Variants in CYP4F3 observed in about 807,000 individuals in gnomAD.
The protein encoded by CYP4F3 is cytochrome P450 family 4 subfamily F member 3.
In CYP4F3, 50 loss-of-function variants were observed where a neutral mutation model predicts 54.8. The ratio of observed to expected loss-of-function variants is 0.91; its 90% CI spans 0.73 to 1.16. The LOEUF (loss-of-function observed/expected upper bound fraction) is 1.16, where lower values mean the gene tolerates loss of function less well. Among genes scored for constraint, CYP4F3 ranks in the 50% most tolerant of loss-of-function variants. The probability of loss-of-function intolerance (pLI) is 0.00; values close to 1 mark genes in which losing one functional copy is unlikely to be tolerated. For synonymous variants in CYP4F3, 244 were observed against 262.6 expected (o/e 0.93, Z 0.69); for missense variants, 715 against 676.2 (o/e 1.06, Z -0.64).
At chr19:15,657,143 C>T (rs935959804) in intron 9 of CYP4F3, among the ~76,000 whole-genome samples, 5 of 152,076 alleles carry the variant, frequency 3.3e-5, no homozygotes, top group Admixed American at 3.3e-4. Flanking sequence ...AAACATTTTC[C>T]CATTAATGTA....
intron 9 of CYP4F3, among the ~76,000 whole-genome samples, chr19:15,653,759 A>AGG (rs1568400667): frequency 1.6e-5 from 2 of 124,714 alleles, no homozygotes; most frequent in African/African-American, 5.6e-5. Context: ...AGAGAGAGAG[A>AGG]GAGAGAGAGA....
intron 4 of CYP4F3, 21 bp downstream of exon 4, chr19:15,647,126 A>G: frequency 6.2e-7 from 1 of 1,614,066 alleles, no homozygotes. Flanking sequence ...GTAGGTGAAC[A>G]GGGTTGGGAA....
At chr19:15,649,010 C>A in intron 5 of CYP4F3, 150 bp from the exon 6 acceptor site, 1 of 1,290,716 alleles carries the variant, frequency 7.7e-7, no homozygotes, top group Non-Finnish European at 1.0e-6. Context: ...ACAGCTTTTG[C>A]TTGCACCATA....
Position 15,660,114 on chromosome 19 carries a change from T to C in CYP4F3, c.*729T>C, listed in dbSNP as rs572152796. ...CATCTTTCCATGATATTAAATCATCTTAGGAAACATTATTTTGTGTTCTTC... is the reference window on the plus strand; with the variant it reads ...CATCTTTCCATGATATTAAATCATCCTAGGAAACATTATTTTGTGTTCTTC... On this transcript the variant is annotated 3_prime_UTR_variant, in exon 13 of 13. Transcript: ENST00000221307. 2.0e-4 allele frequency: 31 copies of C among 152,348 alleles called. No homozygotes were observed. The highest frequency in any genetic ancestry group is 7.0e-4 in the African/African-American group (29 of 41,578). The allele number at this position is 152,348 out of a possible 1,614,324, so 9.4% of individuals were successfully genotyped here.
rs773951526 is a variant in CYP4F3 at position 15,649,250 on chromosome 19, T to C, written c.616T>C (p.Cys206Arg). The C allele has an allele frequency of 6.2e-7, 1 of 1,613,214 alleles. No individual in the cohort carries two copies. The highest frequency in any genetic ancestry group is 1.7e-5 in the Admixed American group (1 of 59,964). Residue 206 changes from cysteine to arginine, a missense_variant, in exon 6 of 13, where the codon TGT (cysteine) becomes CGT (arginine). By Grantham distance (180) the Cys-to-Arg change is radical. Coordinates refer to ENST00000221307, the MANE Select transcript of CYP4F3 (RefSeq NM_000896.3). ...CATGACCTTGGACAGTCTGCAGAAA[T>C]GTGTCTTCAGCTTTGACAGCCATTG... Reference protein sequence around the residue: ...SLMTLDSLQKCVFSFDSHCQE... With the variant: ...SLMTLDSLQKRVFSFDSHCQE...
At chr19:15,647,022 A>G (rs1287133302) in intron 3 of CYP4F3, 30 bp from the exon 4 acceptor site, 5 of 1,612,938 alleles carry the variant, frequency 3.1e-6, no homozygotes, top group Admixed American at 3.3e-5. Context: ...ACCTGCCTCC[A>G]TGGCCCCTGA....
intron 3 of CYP4F3, 150 bp from the exon 4 acceptor site, chr19:15,646,902 T>C (rs1380677862): frequency 3.6e-6 from 4 of 1,102,672 alleles, no homozygotes; most frequent in South Asian, 1.5e-5. Context: ...CCCTCCCCCA[T>C]CCTGCCTTCT....
At position 15,646,106 on chromosome 19, in the gene CYP4F3, C is replaced by T. The variant is rs4646509; in HGVS notation, c.343+243C>T. Among the ~76,000 whole-genome samples, 61 of 152,304 alleles carry T rather than the reference C, an allele frequency of 4.0e-4. 1 individual carries two copies. In the South Asian group the frequency reaches 7.3e-3, roughly 18 times the overall value. On this transcript the variant is annotated intron_variant, in intron 3 of 12. Transcript: ENST00000221307. The stretch of plus-strand genomic sequence containing the variant: ...TATGGTCAAGTCTGCTGTACGGCTA[C>T]GTCTTGTCACCTGTATATTTACACC...
chr19:15,655,950 CA>C (rs1972999401), intron 9 of CYP4F3, among the ~76,000 whole-genome samples: 1 of 152,140 alleles, frequency 6.6e-6, no homozygotes, highest in Non-Finnish European at 1.5e-5. Flanking sequence ...ACTTTCTTAG[CA>C]ATTTCAACTA....
intron 7 of CYP4F3, among the ~76,000 whole-genome samples, chr19:15,650,805 CT>C (rs1396982186): frequency 0.023 from 169 of 7,428 alleles, 4 homozygotes; most frequent in Non-Finnish European, 0.029. Context: ...CTTTCTCTCT[CT>C]TCTCTTTCTT....
chr19:15,650,674 T>TTCTTTCTC (rs1173017860), intron 7 of CYP4F3, among the ~76,000 whole-genome samples: 5 of 54,208 alleles, frequency 9.2e-5, no homozygotes, highest in Admixed American at 8.1e-4. Context: ...CTTTCTTTCT[T>TTCTTTCTC]TCTTTCTTTC....
Position 15,652,622 on chromosome 19 carries a change from C to G in CYP4F3, c.972C>G (p.Thr324=). The change falls in exon 8 of 13, where the codon ACC becomes ACG. Residue 324 remains threonine (T), a synonymous_variant. Coordinates refer to ENST00000221307, the MANE Select transcript of CYP4F3 (RefSeq NM_000896.3). ...SDEDIRAEAD[T]FMFEGHDTTA... ...AGGACATAAGAGCAGAAGCTGACAC[C>G]TTTATGTTTGAGGGTGAGGGCCCCA... The G allele has an allele frequency of 6.2e-7, 1 of 1,614,142 alleles. No individual in the cohort carries two copies. The highest frequency in any genetic ancestry group is 8.5e-7 in the Non-Finnish European group (1 of 1,180,018).
rs369596115 is a variant in CYP4F3, at chr19:15,658,798, A to G, written c.1386A>G (p.Ser462=). ...ERSPLAFIPF[S]AGPRNCIGQA... ...CACCTCTGGCTTTTATTCCCTTCTC[A>G]GCAGGGCCCAGGTAAGAGCGGCCTG... is the stretch of plus-strand genomic sequence containing the variant. Residue 462 remains serine (S), a synonymous_variant, in exon 12 of 13, where the codon TCA becomes TCG. Transcript: ENST00000221307. 1.4e-4 allele frequency: 219 copies of G among 1,613,896 alleles called. 3 individuals carry two copies. The South Asian group carries it at 1.6e-3, about 12-fold the overall frequency.
At chr19:15,644,984 G>A (rs1972580917) in intron 2 of CYP4F3, among the ~76,000 whole-genome samples, 1 of 152,228 alleles carries the variant, frequency 6.6e-6, no homozygotes, top group Non-Finnish European at 1.5e-5. Context: ...TAAAGTCCAG[G>A]GAGGATGGCC....
intron 1 of CYP4F3, 112 bp from the exon 2 acceptor site, chr19:15,641,303 T>C (rs1490860410): frequency 3.0e-6 from 4 of 1,351,276 alleles, no homozygotes; most frequent in African/African-American, 2.9e-5. Flanking sequence ...TGTTTACTCT[T>C]ACTGTTCTAT....
At position 15,647,145 on chromosome 19, in the gene CYP4F3, G is replaced by A; in HGVS notation, c.397+40G>A. The A allele has an allele frequency of 1.9e-6, 3 of 1,614,192 alleles. No homozygotes were observed. The African/African-American group carries it at 4.0e-5, about 22-fold the overall frequency. ...GTGAACAGGGTTGGGAACAACCTGGGGGGCCAGGGGAGGGAGATGCCCTTG... is the reference window on the plus strand; with the variant it reads ...GTGAACAGGGTTGGGAACAACCTGGAGGGCCAGGGGAGGGAGATGCCCTTG... On this transcript the variant is annotated intron_variant, in intron 4 of 12. Transcript: ENST00000221307.
chr19:15,644,266 G>T (rs1473151898), intron 2 of CYP4F3, among the ~76,000 whole-genome samples: 2 of 152,134 alleles, frequency 1.3e-5, no homozygotes, highest in Non-Finnish European at 2.9e-5. Flanking sequence ...GTTCTGGGCT[G>T]CCCTGGGGCC....
In CYP4F3 at chr19:15,658,499, T is replaced by C. The variant is rs771888370; in HGVS notation, c.1258T>C (p.Cys420Arg). 1.2e-6 allele frequency: 2 copies of C among 1,614,092 alleles called. No homozygotes were observed. The highest frequency in any genetic ancestry group is 2.7e-5 in the African/African-American group (2 of 74,930). Residue 420 changes from cysteine (C) to arginine (R), a missense_variant, in exon 11 of 13, where the codon TGC becomes CGC. Transcript: ENST00000221307. ...CCCCTTCTCTCCCACAGGCATTATC[T>C]GCCTCATCAGTGTTTTTGGAACCCA... ...DGRVIPKGII[C>R]LISVFGTHHN...
intron 9 of CYP4F3, among the ~76,000 whole-genome samples, chr19:15,656,862 T>G (rs1973041762): frequency 1.3e-5 from 2 of 152,190 alleles, no homozygotes; most frequent in Admixed American, 1.3e-4. Flanking sequence ...TACATGTACA[T>G]ATGTATATAT....
Sources: allele counts gnomAD v4.1 joint callset (sites outside exome capture counted in the v4.1 genomes callset), GRCh38; gene constraint gnomAD v4.1.1; transcripts MANE v1.5; gene names NCBI Gene and HGNC (gene_info 2026-07-23, HGNC 2026-07-21).